The following CFAP20DC variants were observed in gnomAD, a reference collection of about 807,000 sequenced individuals.
CFAP20DC encodes the protein protein CFAP20DC.
CFAP20DC carries 84 observed loss-of-function variants against 101.7 expected under a neutral mutation model. The ratio of observed to expected loss-of-function variants is 0.83; its 90% CI spans 0.69 to 0.99. The LOEUF (loss-of-function observed/expected upper bound fraction) is 0.99, where lower values mean the gene tolerates loss of function less well. CFAP20DC is among the 50% of genes least tolerant of loss of function. The pLI is 0.00. For missense variants in CFAP20DC, 1,007 were observed against 970.3 expected, an observed-to-expected ratio of 1.04 and a Z score of -0.50; for synonymous variants, 359 against 351.2, an observed-to-expected ratio of 1.02 and a Z score of -0.25.
intron 4 of CFAP20DC, among the ~76,000 whole-genome samples, chr3:58,946,246 A>G (rs2107934618): frequency 6.6e-6 from 1 of 150,674 alleles, no homozygotes; most frequent in Middle Eastern, 3.4e-3. Context: ...TCTCCTAAGT[A>G]GCTGGGACTA....
chr3:58,999,925 C>T (rs1037464121), intron 4 of CFAP20DC, among the ~76,000 whole-genome samples: 13 of 149,198 alleles, frequency 8.7e-5, no homozygotes, highest in Non-Finnish European at 4.4e-5. Context: ...CTTGCTTATG[C>T]TTGTATGCCT....
intron 4 of CFAP20DC, among the ~76,000 whole-genome samples, chr3:59,005,277 T>C (rs115229772): frequency 9.0e-4 from 137 of 152,286 alleles, no homozygotes; most frequent in Middle Eastern, 3.4e-3. Flanking sequence ...CCAAACCTCA[T>C]TGAGGAAGCA....
chr3:58,838,455 T>A (rs1022934441), intron 13 of CFAP20DC, among the ~76,000 whole-genome samples: 19 of 152,280 alleles, frequency 1.2e-4, no homozygotes, highest in African/African-American at 4.6e-4. Context: ...TGCACACCAC[T>A]CACTTAAGAA....
chr3:58,771,992 C>T (rs1452260545), intron 15 of CFAP20DC, among the ~76,000 whole-genome samples: 2 of 152,138 alleles, frequency 1.3e-5, no homozygotes, highest in African/African-American at 4.8e-5. Flanking sequence ...GTGCTTTTCT[C>T]CTGTTAATTT....
intron 16 of CFAP20DC, among the ~76,000 whole-genome samples, chr3:58,745,207 C>T (rs2068110561): frequency 6.6e-6 from 1 of 152,148 alleles, no homozygotes; most frequent in Non-Finnish European, 1.5e-5. Flanking sequence ...TTTTTCACAT[C>T]AAAGGAGAGT....
intron 16 of CFAP20DC, among the ~76,000 whole-genome samples, chr3:58,744,189 T>C (rs2068043528): frequency 6.6e-6 from 1 of 152,190 alleles, no homozygotes; most frequent in Non-Finnish European, 1.5e-5. Flanking sequence ...CTCATGACCC[T>C]GTGGAATACG....
chr3:58,861,560 T>G lies in CFAP20DC; in HGVS notation c.1593+1998A>C. ...TACAAAAGAAAAAATCCAATTTTGTTAAGAAGGTATCATTACACATGCTAA... is the reference window on the plus strand; with the variant it reads ...TACAAAAGAAAAAATCCAATTTTGTGAAGAAGGTATCATTACACATGCTAA... On this transcript the variant is annotated intron_variant, in intron 12 of 16. Transcript: ENST00000482387. The surrounding 1 kb of genome is among the most constrained non-coding windows in gnomAD (Gnocchi z 4.0). 1 of 984,566 alleles carries G rather than the reference T, an allele frequency of 1.0e-6. No homozygotes were observed. Among genetic ancestry groups the G allele is most frequent in the Non-Finnish European group, 1.2e-6 (1 of 829,118 alleles). The allele number at this position is 984,566 out of a possible 1,614,324, so 61.0% of individuals were successfully genotyped here.
intron 15 of CFAP20DC, among the ~76,000 whole-genome samples, chr3:58,760,952 G>A (rs2069515446): frequency 6.6e-6 from 1 of 152,188 alleles, no homozygotes; most frequent in African/African-American, 2.4e-5. Context: ...TTTTATTGAG[G>A]ATTTTTGCAT....
intron 15 of CFAP20DC, among the ~76,000 whole-genome samples, chr3:58,759,112 C>G (rs1467162787): frequency 2.6e-5 from 4 of 152,184 alleles, no homozygotes; most frequent in Admixed American, 1.3e-4. Context: ...GGAATCGCCA[C>G]ACTGACTTCC....
chr3:58,811,142 T>C (rs942617586), intron 14 of CFAP20DC, among the ~76,000 whole-genome samples: 4 of 152,090 alleles, frequency 2.6e-5, no homozygotes, highest in Admixed American at 1.3e-4. Flanking sequence ...AGGTAATTTA[T>C]AGATGCAATG....
At chr3:59,035,031 A>G (rs931948101) in intron 4 of CFAP20DC, among the ~76,000 whole-genome samples, 8 of 152,238 alleles carry the variant, frequency 5.3e-5, no homozygotes, top group African/African-American at 1.7e-4. Context: ...ATTCAGGATT[A>G]AGAAACTCAC....
At chr3:58,898,650 G>GT (rs1209473298) in intron 6 of CFAP20DC, among the ~76,000 whole-genome samples, 5 of 152,180 alleles carry the variant, frequency 3.3e-5, no homozygotes, top group Non-Finnish European at 7.3e-5. Flanking sequence ...GCTCAGCAAA[G>GT]TTCGTTATTA....
chr3:58,775,754 T>G (rs2071275914), intron 15 of CFAP20DC, among the ~76,000 whole-genome samples: 1 of 151,344 alleles, frequency 6.6e-6, no homozygotes, highest in Admixed American at 6.6e-5. Flanking sequence ...TCTTTTTTTT[T>G]TTTTTTTTGA....
intron 5 of CFAP20DC, among the ~76,000 whole-genome samples, chr3:58,934,322 C>T (rs1559851508): frequency 1.3e-5 from 2 of 152,190 alleles, no homozygotes; most frequent in Non-Finnish European, 2.9e-5. Context: ...GATGGACTCA[C>T]AGCCGAATTC....
At chr3:58,993,188 T>C (rs368615724) in intron 4 of CFAP20DC, among the ~76,000 whole-genome samples, 123 of 152,326 alleles carry the variant, frequency 8.1e-4, no homozygotes, top group Middle Eastern at 3.4e-3. Flanking sequence ...CTATGCATTA[T>C]TCCCTTCATT....
chr3:59,037,776 G>C (rs1320675320), intron 4 of CFAP20DC, among the ~76,000 whole-genome samples: 3 of 152,126 alleles, frequency 2.0e-5, no homozygotes, highest in African/African-American at 7.2e-5. Context: ...CCATTACCTG[G>C]TATATACCCA....
chr3:59,044,335 A>T (rs1191334520), intron 3 of CFAP20DC, among the ~76,000 whole-genome samples: 1 of 152,208 alleles, frequency 6.6e-6, no homozygotes, highest in African/African-American at 2.4e-5. Flanking sequence ...AAGTAAAAAT[A>T]GCTATAAATT....
In CFAP20DC at chr3:58,842,579, G is replaced by T. The variant is rs1273751939; in HGVS notation, c.1971+6453C>A. On this transcript the variant is annotated intron_variant, in intron 13 of 16. Coordinates refer to ENST00000482387, the MANE Select transcript of CFAP20DC (RefSeq NM_001394063.1). ...AGATCAAACTGCAAGGCGGCAGCGA[G>T]CTGGGGGAGGGGCGCCCGCCATTGC... is the stretch of plus-strand genomic sequence containing the variant. Among the ~76,000 whole-genome samples, 125 of 151,906 alleles carry T rather than the reference G, an allele frequency of 8.2e-4. No individual in the cohort carries two copies. The South Asian group carries it at 0.019, about 23-fold the overall frequency.
Position 58,817,159 on chromosome 3 carries a change from C to A in CFAP20DC, c.2176-10703G>T, listed in dbSNP as rs998731053. Among the ~76,000 whole-genome samples the A allele has an allele frequency of 2.1e-3, 321 of 151,792 alleles. 5 individuals carry two copies. The highest frequency in any genetic ancestry group is 7.4e-3 in the African/African-American group (308 of 41,356). On this transcript the variant is annotated intron_variant, in intron 14 of 16. Coordinates refer to ENST00000482387, the MANE Select transcript of CFAP20DC (RefSeq NM_001394063.1). Reference sequence around the variant, plus strand: ...ATCTGTACATCACCATCATCAAAGACCAAAAGTAGATAAAACCACAAAGAT... The same window carrying A: ...ATCTGTACATCACCATCATCAAAGAACAAAAGTAGATAAAACCACAAAGAT...
Sources: allele counts gnomAD v4.1 joint callset (sites outside exome capture counted in the v4.1 genomes callset), GRCh38; gene constraint gnomAD v4.1.1; non-coding constraint Gnocchi (gnomAD v3.1); transcripts MANE v1.5; gene names NCBI Gene and HGNC (gene_info 2026-07-23, HGNC 2026-07-21).